Variants in ERC1 observed in about 807,000 individuals in gnomAD.
ERC1 encodes the protein ELKS/RAB6-interacting/CAST family member 1.
In ERC1, 56 loss-of-function variants were observed where a neutral mutation model predicts 132.0. The observed-to-expected ratio is 0.42, with a 90% CI of 0.34 to 0.53. The LOEUF is 0.53. Ranked by LOEUF, ERC1 falls within the 20% of genes least tolerant of loss-of-function variation. The probability of loss-of-function intolerance (pLI) is 0.03; values close to 1 mark genes in which losing one functional copy is unlikely to be tolerated. For missense variants in ERC1, 1,202 were observed against 1,349.9 expected, an observed-to-expected ratio of 0.89 and a Z score of 1.72; for synonymous variants, 478 against 476.1, an observed-to-expected ratio of 1.00 and a Z score of -0.05.
chr12:1,232,123 G>A (rs1026821687), intron 12 of ERC1, among the ~76,000 whole-genome samples: 10 of 152,092 alleles, frequency 6.6e-5, no homozygotes, highest in South Asian at 2.1e-4. Flanking sequence ...CTCCTGATCT[G>A]CAAGGTTTCT....
At chr12:1,100,137 C>T (rs1389601095) in intron 3 of ERC1, among the ~76,000 whole-genome samples, 3 of 152,022 alleles carry the variant, frequency 2.0e-5, no homozygotes, top group Non-Finnish European at 2.9e-5. Context: ...CATGAACCAC[C>T]GCTCCCAGCC....
At chr12:1,074,281 C>T (rs1162516515) in intron 2 of ERC1, among the ~76,000 whole-genome samples, 1 of 151,888 alleles carries the variant, frequency 6.6e-6, no homozygotes, top group African/African-American at 2.4e-5. Context: ...GTAGGACTTA[C>T]CCATTTTGAT....
intron 2 of ERC1, among the ~76,000 whole-genome samples, chr12:1,063,639 A>T (rs562569188): frequency 1.2e-3 from 174 of 149,870 alleles, no homozygotes; most frequent in South Asian, 2.9e-3. Context: ...GTCTTTTTTT[A>T]AAAAAAAATC....
chr12:992,646 G>A (rs1170245365), intron 1 of ERC1, among the ~76,000 whole-genome samples: 1 of 152,140 alleles, frequency 6.6e-6, no homozygotes, highest in East Asian at 1.9e-4. Context: ...ATTAGAGTAA[G>A]CAGTGTTCAA....
intron 16 of ERC1, among the ~76,000 whole-genome samples, chr12:1,379,352 A>T (rs1395255796): frequency 6.6e-6 from 1 of 152,204 alleles, no homozygotes; most frequent in Middle Eastern, 3.2e-3. Context: ...CCCAGTAACA[A>T]GTTCCTTGCT....
chr12:1,419,351 A>G (rs951895752), intron 17 of ERC1, among the ~76,000 whole-genome samples: 1 of 151,914 alleles, frequency 6.6e-6, no homozygotes, highest in Non-Finnish European at 1.5e-5. Context: ...CTTTTTCTCC[A>G]AAATTATACG....
chr12:1,261,781 T>C (rs1395782705), intron 13 of ERC1, among the ~76,000 whole-genome samples: 3 of 152,220 alleles, frequency 2.0e-5, no homozygotes, highest in South Asian at 2.1e-4. Context: ...AACACAGTTC[T>C]CTGAGAAGAA....
At position 1,447,795 on chromosome 12, in the gene ERC1, G is replaced by A. The variant is rs747133998; in HGVS notation, c.3213+3045G>A. 2.8e-4 allele frequency among the ~76,000 whole-genome samples: 43 copies of A among 151,890 alleles called. 1 individual carries two copies. Among genetic ancestry groups the A allele is most frequent in the Non-Finnish European group, 3.5e-4 (24 of 67,954 alleles). On this transcript the variant is annotated intron_variant, in intron 18 of 18. Transcript: ENST00000360905. ...CTCCCGAACAGTTGGAACTACAGGC[G>A]CGCGCCACCGTGCCCAGCTGATTTT...
At chr12:1,100,400 A>G (rs571370779) in intron 3 of ERC1, among the ~76,000 whole-genome samples, 2 of 152,324 alleles carry the variant, frequency 1.3e-5, no homozygotes, top group East Asian at 3.9e-4. Flanking sequence ...GAGTAAAACG[A>G]GAAGCTTTTG....
At chr12:1,382,753 A>T (rs762686555) in intron 16 of ERC1, among the ~76,000 whole-genome samples, 1 of 152,262 alleles carries the variant, frequency 6.6e-6, no homozygotes, top group Admixed American at 6.5e-5. Context: ...ATCAAAAAGC[A>T]TAAGAAAACG....
chr12:1,160,448 G>C (rs553550564), intron 8 of ERC1, among the ~76,000 whole-genome samples: 1 of 152,172 alleles, frequency 6.6e-6, no homozygotes, highest in East Asian at 1.9e-4. Flanking sequence ...AAAAATCTAA[G>C]ATCAAGGTGA....
chr12:1,047,275 A>G (rs2154165828), intron 2 of ERC1, among the ~76,000 whole-genome samples: 1 of 152,346 alleles, frequency 6.6e-6, no homozygotes, highest in East Asian at 1.9e-4. Context: ...AGCATAAGGC[A>G]TAAGCCCCCC....
intron 12 of ERC1, among the ~76,000 whole-genome samples, chr12:1,221,180 G>A (rs193118288): frequency 1.3e-5 from 2 of 152,270 alleles, no homozygotes; most frequent in Admixed American, 6.5e-5. Flanking sequence ...TATTTTCGAA[G>A]ATAGCACCTG....
chr12:1,183,022 T>C (rs889388827), intron 10 of ERC1, among the ~76,000 whole-genome samples: 2 of 152,192 alleles, frequency 1.3e-5, no homozygotes, highest in African/African-American at 4.8e-5. Context: ...CAAAGCTTGA[T>C]CTACTTTGGT....
chr12:1,237,463 T>C (rs1452172985), intron 13 of ERC1, among the ~76,000 whole-genome samples: 1 of 152,188 alleles, frequency 6.6e-6, no homozygotes, highest in Admixed American at 6.5e-5. Context: ...TATTCACAGA[T>C]TAATTAAACC....
chr12:1,315,313 A>G lies in ERC1; in HGVS notation c.2780+25301A>G, dbSNP rs1372832550. On this transcript the variant is annotated intron_variant, in intron 15 of 18. Transcript: ENST00000360905. ...ATTATAGAAGTGAGCCACTGCGCCC[A>G]GCCCATATTCAGAAGTTTTCTACAG... Among the ~76,000 whole-genome samples the G allele has an allele frequency of 5.3e-5, 8 of 151,836 alleles. No homozygotes were observed. The South Asian group carries it at 8.3e-4, about 16-fold the overall frequency.
chr12:1,094,231 C>A (rs1334527340), intron 3 of ERC1, among the ~76,000 whole-genome samples: 1 of 151,376 alleles, frequency 6.6e-6, no homozygotes, highest in Non-Finnish European at 1.5e-5. Flanking sequence ...GTTGGCCAGG[C>A]TGGTCTCAAA....
At chr12:991,423 T>G (rs987580801) in intron 1 of ERC1, 101 bp downstream of exon 1, 1 of 153,118 alleles carries the variant, frequency 6.5e-6, no homozygotes, top group Non-Finnish European at 1.5e-5. Context: ...CTACCCAGCT[T>G]CTTGCTCACG....
Position 1,405,180 on chromosome 12 carries a change from T to TAA in ERC1, c.2926-2968_2926-2967insAA, listed in dbSNP as rs754386786. On this transcript the variant is annotated intron_variant, in intron 16 of 18. Transcript: ENST00000360905. ...ATAAATAAATAAATAAATAAATAAA[T>TAA]ATAAATAAAATAATATAAAATTGGG... Among the ~76,000 whole-genome samples the TAA allele has an allele frequency of 4.7e-3, 641 of 137,314 alleles. 4 individuals carry two copies. Among genetic ancestry groups the TAA allele is most frequent in the African/African-American group, 0.016 (579 of 35,690 alleles). 90.1% of individuals were successfully genotyped at this position (137,314 alleles called of 152,430 possible).
Sources: allele counts gnomAD v4.1 joint callset (sites outside exome capture counted in the v4.1 genomes callset), GRCh38; gene constraint gnomAD v4.1.1; transcripts MANE v1.5; gene names NCBI Gene and HGNC (gene_info 2026-07-23, HGNC 2026-07-21).